Variants in TRAF3 observed in about 807,000 individuals in gnomAD.
TRAF3 encodes the protein TNF receptor-associated factor 3.
In TRAF3, 13 loss-of-function variants were observed where a neutral mutation model predicts 62.3. That is an observed-to-expected ratio of 0.21 (90% CI 0.14 to 0.33). The LOEUF is 0.33. TRAF3 is among the 10% of genes least tolerant of loss of function. The pLI is 1.00. For synonymous variants in TRAF3, 269 were observed against 283.4 expected, an observed-to-expected ratio of 0.95 and a Z score of 0.51; for missense variants, 440 against 741.8, an observed-to-expected ratio of 0.59 and a Z score of 4.73.
At position 102,903,664 on chromosome 14, in the gene TRAF3, G is replaced by A. The variant is rs913504173; in HGVS notation, c.1135+235G>A. The stretch of plus-strand genomic sequence containing the variant: ...TGTGAGGCCCTACATGGTGTAGAAA[G>A]TAGGGGCAGCTGCAGCCACGGGAAG... On this transcript the variant is annotated intron_variant, in intron 11 of 11. Transcript: ENST00000392745. The surrounding 1 kb of genome is among the most constrained non-coding windows in gnomAD (Gnocchi z 6.4). 1.2e-5 allele frequency: 8 copies of A among 675,944 alleles called. No homozygotes were observed. The highest frequency in any genetic ancestry group is 2.1e-5 in the Non-Finnish European group (8 of 378,754). The allele number at this position is 675,944 out of a possible 1,614,324, so 41.9% of individuals were successfully genotyped here. A position where few individuals can be genotyped will look rare whatever the true frequency, so the allele number is the denominator to read the frequency against.
chr14:102,799,442 TTTG>T (rs1264147813), intron 1 of TRAF3, among the ~76,000 whole-genome samples: 7 of 152,064 alleles, frequency 4.6e-5, no homozygotes, highest in Non-Finnish European at 8.8e-5. Context: ...TTTACTTGTT[TTTG>T]TTGTTGTTGT....
chr14:102,888,645 G>C (rs1889541556), intron 7 of TRAF3, among the ~76,000 whole-genome samples: 1 of 152,116 alleles, frequency 6.6e-6, no homozygotes, highest in Non-Finnish European at 1.5e-5. Context: ...CTCCCAAAAA[G>C]AGTCTGTTTT....
Position 102,843,465 on chromosome 14 carries a change from G to A in TRAF3, c.-18+12993G>A, listed in dbSNP as rs548716063. Among the ~76,000 whole-genome samples the A allele has an allele frequency of 2.8e-4, 42 of 151,964 alleles. 1 individual carries two copies. The highest frequency in any genetic ancestry group is 8.0e-4 in the African/African-American group (33 of 41,498). On this transcript the variant is annotated intron_variant, in intron 2 of 11. Transcript: ENST00000392745. ...CAGTCCTCCTGCCTCAGCCTCCCTA[G>A]TAGCTGGGACTATAAGCGTGTGCCA...
chr14:102,796,478 A>G (rs1458025614), intron 1 of TRAF3, among the ~76,000 whole-genome samples: 1 of 152,232 alleles, frequency 6.6e-6, no homozygotes, highest in Non-Finnish European at 1.5e-5. Context: ...CCCAACTTGA[A>G]GCTGGTGGGT....
At chr14:102,840,134 A>G (rs193054806) in intron 2 of TRAF3, among the ~76,000 whole-genome samples, 75 of 152,344 alleles carry the variant, frequency 4.9e-4, no homozygotes, top group African/African-American at 1.8e-3. Context: ...GGGACACCCA[A>G]AATCTCAGTA....
At chr14:102,801,965 G>A (rs1474707606) in intron 1 of TRAF3, among the ~76,000 whole-genome samples, 37 of 146,216 alleles carry the variant, frequency 2.5e-4, no homozygotes, top group African/African-American at 9.3e-4. Context: ...GCAGTGAGCC[G>A]AGATCATGCC....
rs1283991018 is a variant in TRAF3 at position 102,906,726 on chromosome 14, T to A, written c.*942T>A. 6.6e-6 allele frequency: 1 copy of A among 152,222 alleles called. No homozygotes were observed. Among genetic ancestry groups the A allele is most frequent in the Non-Finnish European group, 1.5e-5 (1 of 68,038 alleles). 9.4% of individuals were successfully genotyped at this position (152,222 alleles called of 1,614,324 possible). ...AGGTGTTTGGATTCTGCCCCATGTG[T>A]TCGGACGAGCTCTCTGTTGCTGACA... is the stretch of plus-strand genomic sequence containing the variant. On this transcript the variant is annotated 3_prime_UTR_variant, in exon 12 of 12. Coordinates refer to ENST00000392745, the MANE Select transcript of TRAF3 (RefSeq NM_145725.3).
chr14:102,889,072 C>G (rs1889564023), intron 7 of TRAF3, among the ~76,000 whole-genome samples: 1 of 152,330 alleles, frequency 6.6e-6, no homozygotes. Flanking sequence ...AAAAACTCAT[C>G]TGCACTTATC....
chr14:102,818,641 G>GT (rs1899695819), intron 1 of TRAF3, among the ~76,000 whole-genome samples: 1 of 152,100 alleles, frequency 6.6e-6, no homozygotes, highest in Non-Finnish European at 1.5e-5. Flanking sequence ...CCCAGCCTCC[G>GT]TAACCACTGT....
intron 1 of TRAF3, among the ~76,000 whole-genome samples, chr14:102,798,598 C>A (rs1281608777): frequency 1.3e-5 from 2 of 152,164 alleles, no homozygotes; most frequent in Non-Finnish European, 2.9e-5. Flanking sequence ...TGAGATCGCA[C>A]CACTGCACTC....
chr14:102,889,074 G>T (rs1226733813), intron 7 of TRAF3, among the ~76,000 whole-genome samples: 3 of 152,212 alleles, frequency 2.0e-5, no homozygotes, highest in Non-Finnish European at 4.4e-5. Context: ...AAACTCATCT[G>T]CACTTATCTC....
At chr14:102,811,355 A>G (rs1021061488) in intron 1 of TRAF3, among the ~76,000 whole-genome samples, 1 of 148,018 alleles carries the variant, frequency 6.8e-6, no homozygotes, top group Non-Finnish European at 1.5e-5. Context: ...GCGGGAGTGC[A>G]GTGGCTATTC....
At chr14:102,820,773 G>A (rs568107801) in intron 1 of TRAF3, among the ~76,000 whole-genome samples, 1 of 149,864 alleles carries the variant, frequency 6.7e-6, no homozygotes, top group South Asian at 2.1e-4. Context: ...GGGGTTATAG[G>A]CACCCACCAC....
chr14:102,861,483 C>T (rs1054106172), intron 2 of TRAF3, among the ~76,000 whole-genome samples: 1 of 152,156 alleles, frequency 6.6e-6, no homozygotes, highest in Admixed American at 6.5e-5. Flanking sequence ...GACTCTAACT[C>T]TCCTAAGTTG....
Position 102,886,187 on chromosome 14 carries a change from A to G in TRAF3, c.571-2A>G, listed in dbSNP as rs1411720082. On this transcript the variant is annotated splice_acceptor_variant, in intron 6 of 11. Coordinates refer to ENST00000392745, the MANE Select transcript of TRAF3 (RefSeq NM_145725.3). LOFTEE classifies it high-confidence loss of function. ...AGTTGATAGTACTTTCTCTCTCTGT[A>G]GAAACACGAAGACACCGACTGTCCC... 1 of 1,612,970 alleles carries G rather than the reference A, an allele frequency of 6.2e-7. No individual in the cohort carries two copies. The highest frequency in any genetic ancestry group is 8.5e-7 in the Non-Finnish European group (1 of 1,179,396).
chr14:102,822,099 G>C (rs1480061327), intron 1 of TRAF3, among the ~76,000 whole-genome samples: 1 of 152,010 alleles, frequency 6.6e-6, no homozygotes, highest in African/African-American at 2.4e-5. Context: ...GGTCATAATA[G>C]AAAAATTTTA....
At chr14:102,869,640 A>G (rs1888209871) in intron 2 of TRAF3, among the ~76,000 whole-genome samples, 1 of 151,874 alleles carries the variant, frequency 6.6e-6, no homozygotes, top group Non-Finnish European at 1.5e-5. Flanking sequence ...CCCCGTCTCT[A>G]CTAAAAATAC....
chr14:102,805,531 TCTG>T (rs561028829), intron 1 of TRAF3, among the ~76,000 whole-genome samples: 45 of 152,288 alleles, frequency 3.0e-4, no homozygotes, highest in African/African-American at 9.6e-4. Context: ...CTCTGTGGCT[TCTG>T]CTGTGGCTGA....
At chr14:102,900,205 A>AAAAACCCCC in intron 10 of TRAF3, among the ~76,000 whole-genome samples, 1 of 135,498 alleles carries the variant, frequency 7.4e-6, no homozygotes, top group African/African-American at 3.1e-5. Context: ...AAAAAAAAAG[A>AAAAACCCCC]CAGCCTAGGC....
Sources: gnomAD v4.1 joint callset for allele counts (sites outside exome capture counted in the v4.1 genomes callset) on GRCh38, gnomAD v4.1.1 for gene constraint, Gnocchi (gnomAD v3.1) non-coding constraint, MANE v1.5 for transcripts, NCBI Gene and HGNC (gene_info 2026-07-23, HGNC 2026-07-21) for gene names.